The following SLC30A6 variants were observed in gnomAD, a reference collection of about 807,000 sequenced individuals.
SLC30A6 encodes the protein zinc transporter 6.
Under a neutral mutation model 63.0 loss-of-function variants are expected in SLC30A6, and 55 were observed. The ratio of observed to expected loss-of-function variants is 0.87; its 90% CI spans 0.70 to 1.09. The LOEUF (loss-of-function observed/expected upper bound fraction) is 1.09. Ranked by LOEUF, SLC30A6 falls within the 50% of genes least tolerant of loss-of-function variation. The pLI is 0.00. For missense variants in SLC30A6, 587 were observed against 549.2 expected, an observed-to-expected ratio of 1.07 and a Z score of -0.69; for synonymous variants, 224 against 186.1, an observed-to-expected ratio of 1.20 and a Z score of -1.66.
intron 1 of SLC30A6, among the ~76,000 whole-genome samples, chr2:32,168,491 A>G (rs1465097145): frequency 2.0e-5 from 3 of 151,574 alleles, no homozygotes; most frequent in East Asian, 3.9e-4. Context: ...AGCCCTTGTC[A>G]TTAGTGAAGT....
intron 10 of SLC30A6, among the ~76,000 whole-genome samples, chr2:32,200,355 C>T (rs1207636840): frequency 6.6e-6 from 1 of 151,694 alleles, no homozygotes; most frequent in Non-Finnish European, 1.5e-5. Context: ...TTGAGGTGTA[C>T]CCAACAGCTC....
intron 8 of SLC30A6, among the ~76,000 whole-genome samples, chr2:32,194,658 C>T (rs996702136): frequency 1.3e-5 from 2 of 152,108 alleles, no homozygotes; most frequent in African/African-American, 4.8e-5. Flanking sequence ...TAGAGAAGCA[C>T]AGATAGGTGT....
intron 2 of SLC30A6, among the ~76,000 whole-genome samples, 155 bp downstream of exon 2, chr2:32,171,528 G>A (rs1681211493): frequency 6.6e-6 from 1 of 152,040 alleles, no homozygotes; most frequent in South Asian, 2.1e-4. Context: ...GTGTAAAATT[G>A]CAGTTGTTTG....
At chr2:32,197,247 C>G in intron 8 of SLC30A6, 97 bp from the exon 9 acceptor site, 1 of 1,092,178 alleles carries the variant, frequency 9.2e-7, no homozygotes. Flanking sequence ...TATTCAGTCA[C>G]TGCCAAATTT....
intron 10 of SLC30A6, among the ~76,000 whole-genome samples, chr2:32,199,325 G>GT (rs2148869920): frequency 6.6e-6 from 1 of 152,322 alleles, no homozygotes; most frequent in East Asian, 1.9e-4. Context: ...AAATATCTGA[G>GT]TCCTTCCTTT....
At chr2:32,203,593 C>A in intron 10 of SLC30A6, 2 of 1,594,088 alleles carry the variant, frequency 1.3e-6, no homozygotes, top group Non-Finnish European at 8.6e-7. Context: ...AGAGGAAATA[C>A]AGGATGTCAG....
chr2:32,220,627 G>A lies in SLC30A6; in HGVS notation c.1300G>A (p.Gly434Arg). 2 of 1,614,140 alleles carry A rather than the reference G, an allele frequency of 1.2e-6. No individual in the cohort carries two copies. The highest frequency in any genetic ancestry group is 1.7e-6 in the Non-Finnish European group (2 of 1,180,024). The change falls in exon 14 of 14, where the codon GGA becomes AGA. Residue 434 changes from glycine to arginine, a missense_variant. Transcript: ENST00000282587. Reference sequence around the variant, plus strand: ...TCAAGGACTTGGAGTTCCAGGAATTGGAGCAACTCAAGGATTGAGGACTGG... The same window carrying A: ...TCAAGGACTTGGAGTTCCAGGAATTAGAGCAACTCAAGGATTGAGGACTGG... ...LNQGLGVPGI[G>R]ATQGLRTGFT...
intron 5 of SLC30A6, among the ~76,000 whole-genome samples, chr2:32,184,613 AAATT>A (rs1682641488): frequency 6.6e-6 from 1 of 152,090 alleles, no homozygotes; most frequent in Non-Finnish European, 1.5e-5. Context: ...AAAAATACAA[AAATT>A]AGCCAGGCGT....
chr2:32,218,616 G>T (rs547584354), intron 13 of SLC30A6, among the ~76,000 whole-genome samples: 1 of 152,164 alleles, frequency 6.6e-6, no homozygotes, highest in Admixed American at 6.5e-5. Context: ...GAGTGCAGTG[G>T]CATGATCTCT....
Position 32,192,338 on chromosome 2 carries a change from TTGA to T in SLC30A6, c.288_290del (p.Phe96_Glu97delinsLeu), listed in dbSNP as rs1295584302. 6.2e-7 allele frequency: 1 copy of T among 1,613,840 alleles called. No homozygotes were observed. The highest frequency in any genetic ancestry group is 1.3e-5 in the African/African-American group (1 of 74,922). On this transcript the variant is annotated inframe_deletion, in exon 6 of 14. Transcript: ENST00000282587. ...TCTAATTAATGTTTTGGTTTCAGGT[TTGA>T]AAGATTAGAAGTCCTGGCTGTATTT...
intron 1 of SLC30A6, among the ~76,000 whole-genome samples, chr2:32,168,099 A>G (rs1401197294): frequency 6.6e-6 from 1 of 152,222 alleles, no homozygotes; most frequent in Non-Finnish European, 1.5e-5. Context: ...AAACATTAGT[A>G]TTAGTCATGC....
chr2:32,174,553 T>TG (rs1313016376), intron 3 of SLC30A6, among the ~76,000 whole-genome samples: 1 of 141,220 alleles, frequency 7.1e-6, no homozygotes, highest in African/African-American at 2.7e-5. Context: ...TGGAGATTTT[T>TG]TTTTTTTTTT....
At chr2:32,177,000 T>C (rs946107751) in intron 4 of SLC30A6, among the ~76,000 whole-genome samples, 2 of 151,904 alleles carry the variant, frequency 1.3e-5, no homozygotes, top group African/African-American at 4.8e-5. Context: ...CTCGAACTCC[T>C]GACCTCAAGT....
intron 11 of SLC30A6, among the ~76,000 whole-genome samples, chr2:32,205,187 A>G (rs1373115196): frequency 6.6e-6 from 1 of 152,102 alleles, no homozygotes; most frequent in African/African-American, 2.4e-5. Flanking sequence ...TTGGGAGGCC[A>G]AGGCGGGCAG....
rs370830313 is a variant in SLC30A6 at position 32,210,439 on chromosome 2, C to T, written c.885+878C>T. 2.2e-4 allele frequency among the ~76,000 whole-genome samples: 31 copies of T among 137,902 alleles called. No homozygotes were observed. In the East Asian group the frequency reaches 5.5e-3, roughly 24 times the overall value. 90.5% of individuals were successfully genotyped at this position (137,902 alleles called of 152,430 possible). On this transcript the variant is annotated intron_variant, in intron 13 of 13. Coordinates refer to ENST00000282587, the MANE Select transcript of SLC30A6 (RefSeq NM_017964.5). ...CTGAGGCAGGAGAATCTCTTGAACC[C>T]GGGAGGCAGAGGTTGCAGTGAGCCG...
At chr2:32,200,958 TC>T (rs1423923603) in intron 10 of SLC30A6, among the ~76,000 whole-genome samples, 16 of 152,190 alleles carry the variant, frequency 1.1e-4, no homozygotes, top group Non-Finnish European at 5.9e-5. Flanking sequence ...ATCTATCTAT[TC>T]CTGACCATTT....
rs1437857287 is a variant in SLC30A6, at chr2:32,222,340, T to C, written c.*1627T>C. 6.6e-6 allele frequency: 1 copy of C among 152,212 alleles called. No individual in the cohort carries two copies. Among genetic ancestry groups the C allele is most frequent in the African/African-American group, 2.4e-5 (1 of 41,462 alleles). 9.4% of individuals were successfully genotyped at this position (152,212 alleles called of 1,614,324 possible). On this transcript the variant is annotated 3_prime_UTR_variant, in exon 14 of 14. Transcript: ENST00000282587. ...TGGACTTAACTTTCCTGGAATCCAATGCTCCTGGAGATTTATGACTTTCCC... is the reference window on the plus strand; with the variant it reads ...TGGACTTAACTTTCCTGGAATCCAACGCTCCTGGAGATTTATGACTTTCCC...
At chr2:32,204,483 C>G (rs959089294) in intron 10 of SLC30A6, 107 bp from the exon 11 acceptor site, 15 of 539,896 alleles carry the variant, frequency 2.8e-5, no homozygotes, top group Non-Finnish European at 4.7e-5. Flanking sequence ...AAAATTGTGT[C>G]CTGTTGCTCA....
chr2:32,166,835 G>A (rs1223578416), intron 1 of SLC30A6, among the ~76,000 whole-genome samples: 1 of 152,286 alleles, frequency 6.6e-6, no homozygotes, highest in South Asian at 2.1e-4. Context: ...TTTGCACACA[G>A]AAAATGGGTA....
Sources: allele counts gnomAD v4.1 joint callset (sites outside exome capture counted in the v4.1 genomes callset), GRCh38; gene constraint gnomAD v4.1.1; transcripts MANE v1.5; gene names NCBI Gene and HGNC (gene_info 2026-07-23, HGNC 2026-07-21).